C1orf87: variants seen among roughly 807,000 people sequenced by gnomAD.
The protein encoded by C1orf87 is chromosome 1 open reading frame 87, also known as uncharacterized protein C1orf87.
A neutral mutation model predicts 60.5 loss-of-function variants in C1orf87; 58 were observed. The observed-to-expected ratio is 0.96, with a 90% CI of 0.78 to 1.19. C1orf87 has a LOEUF of 1.19. Among genes scored for constraint, C1orf87 ranks in the 50% most tolerant of loss-of-function variants. The pLI is 0.00. For missense variants in C1orf87, 673 were observed against 638.6 expected, an observed-to-expected ratio of 1.05 and a Z score of -0.58; for synonymous variants, 236 against 227.4, an observed-to-expected ratio of 1.04 and a Z score of -0.34.
intron 6 of C1orf87, among the ~76,000 whole-genome samples, chr1:60,037,601 G>C (rs1188149442): frequency 1.3e-5 from 2 of 152,212 alleles, no homozygotes; most frequent in Admixed American, 6.5e-5. Context: ...ATGCGTTCAA[G>C]AAGGCAGAGC....
At chr1:60,057,588 T>C (rs1645466102) in intron 2 of C1orf87, among the ~76,000 whole-genome samples, 1 of 152,116 alleles carries the variant, frequency 6.6e-6, no homozygotes, top group Non-Finnish European at 1.5e-5. Context: ...ATGGAAGTCA[T>C]TGAGAGGACA....
rs1000280535 is a variant in C1orf87 at position 60,069,572 on chromosome 1, C to T, written c.107+2965G>A. 2.0e-5 allele frequency among the ~76,000 whole-genome samples: 3 copies of T among 152,114 alleles called. No homozygotes were observed. In the South Asian group the frequency reaches 6.2e-4, roughly 32 times the overall value. On this transcript the variant is annotated intron_variant, in intron 2 of 11. Coordinates refer to ENST00000371201, the MANE Select transcript of C1orf87 (RefSeq NM_152377.3). ...TGCTCTTTTGTGAAATATATGTATA[C>T]TAAATATAAGTATTTTTCTTTGATC...
At chr1:60,061,406 A>G (rs1024858487) in intron 2 of C1orf87, among the ~76,000 whole-genome samples, 24 of 152,064 alleles carry the variant, frequency 1.6e-4, no homozygotes, top group Non-Finnish European at 2.9e-5. Context: ...AATAACACAG[A>G]TACCTTTACA....
chr1:60,002,829 T>C (rs1645016919), intron 9 of C1orf87, among the ~76,000 whole-genome samples: 1 of 150,362 alleles, frequency 6.7e-6, no homozygotes, highest in African/African-American at 2.4e-5. Flanking sequence ...CAACAGGTGC[T>C]GGAGAGGATG....
chr1:60,035,459 C>G (rs1365173), intron 6 of C1orf87, among the ~76,000 whole-genome samples: 1,644 of 152,268 alleles, frequency 0.011, 20 homozygotes, highest in African/African-American at 0.038. Flanking sequence ...CTGCCACTGG[C>G]AATGCTGGAA....
At chr1:60,060,854 T>C (rs1426329949) in intron 2 of C1orf87, among the ~76,000 whole-genome samples, 1 of 152,210 alleles carries the variant, frequency 6.6e-6, no homozygotes, top group Non-Finnish European at 1.5e-5. Context: ...TTTACCAGTC[T>C]GGAGCCAATG....
chr1:60,046,424 T>A (rs2100305643), intron 3 of C1orf87, among the ~76,000 whole-genome samples: 1 of 129,712 alleles, frequency 7.7e-6, no homozygotes, highest in African/African-American at 2.8e-5. Context: ...CCTCCCTTCC[T>A]CCTTCCTTCC....
chr1:60,059,875 A>G (rs1318381894), intron 2 of C1orf87, among the ~76,000 whole-genome samples: 1 of 152,206 alleles, frequency 6.6e-6, no homozygotes, highest in Non-Finnish European at 1.5e-5. Context: ...TAATTTCAGT[A>G]AATGAAAGCA....
chr1:60,046,054 C>T (rs192038301), intron 3 of C1orf87, among the ~76,000 whole-genome samples: 1 of 152,080 alleles, frequency 6.6e-6, no homozygotes, highest in Non-Finnish European at 1.5e-5. Context: ...ATATCTCTTA[C>T]ACCTTTTAAA....
At chr1:59,999,640 C>A (rs1234724713) in intron 10 of C1orf87, among the ~76,000 whole-genome samples, 1 of 152,106 alleles carries the variant, frequency 6.6e-6, no homozygotes, top group African/African-American at 2.4e-5. Context: ...ACTAATACAT[C>A]CTTCACTGTT....
chr1:60,033,466 T>A lies in C1orf87; in HGVS notation c.1029+10A>T. ...ACAGAGGAACAAATCTGAAATTGAATTTTGGTTACCTTAGGTAGAGGGAGG... is the reference window on the plus strand; with the variant it reads ...ACAGAGGAACAAATCTGAAATTGAAATTTGGTTACCTTAGGTAGAGGGAGG... On this transcript the variant is annotated intron_variant, in intron 7 of 11. Coordinates refer to ENST00000371201, the MANE Select transcript of C1orf87 (RefSeq NM_152377.3). 1.9e-6 allele frequency: 3 copies of A among 1,611,166 alleles called. No individual in the cohort carries two copies. The highest frequency in any genetic ancestry group is 2.5e-6 in the Non-Finnish European group (3 of 1,178,440).
In C1orf87 at chr1:60,039,969, G is replaced by C. The variant is rs776709201; in HGVS notation, c.695C>G (p.Pro232Arg). The change falls in exon 5 of 12, where the codon CCA becomes CGA. Residue 232 changes from proline (P) to arginine (R), a missense_variant. By Grantham distance (103) the Pro-to-Arg change is moderately radical. Transcript: ENST00000371201. ...TCTCTGACAAAGGATTTTAACTGTTGGTAACTGTAGAGGGACTTCATGCTT... is the reference window on the plus strand; with the variant it reads ...TCTCTGACAAAGGATTTTAACTGTTCGTAACTGTAGAGGGACTTCATGCTT... ...FLKHEVPLQL[P>R]TVKILCQRFS... 13 of 1,613,916 alleles carry C rather than the reference G, an allele frequency of 8.1e-6. No individual in the cohort carries two copies. The highest frequency in any genetic ancestry group is 1.0e-5 in the Non-Finnish European group (12 of 1,179,936).
chr1:60,038,767 G>GA (rs1323166186), intron 5 of C1orf87, among the ~76,000 whole-genome samples: 1 of 152,196 alleles, frequency 6.6e-6, no homozygotes, highest in East Asian at 1.9e-4. Context: ...TAGGCCAAGT[G>GA]AAAAATCTGA....
intron 9 of C1orf87, among the ~76,000 whole-genome samples, chr1:60,001,383 T>C (rs1645003352): frequency 6.6e-6 from 1 of 152,028 alleles, no homozygotes; most frequent in Non-Finnish European, 1.5e-5. Context: ...GACTCTAAAT[T>C]TTTATTTAGT....
At chr1:60,009,320 T>C (rs1645066637) in intron 9 of C1orf87, among the ~76,000 whole-genome samples, 1 of 139,106 alleles carries the variant, frequency 7.2e-6, no homozygotes, top group South Asian at 2.7e-4. Context: ...TGCTAGAAGC[T>C]GAAACCGGCA....
At position 60,055,416 on chromosome 1, in the gene C1orf87, T is replaced by C; in HGVS notation, c.130A>G (p.Thr44Ala). ...PKIKENDSLKTETQTMHQKPM... is the reference protein window; with the variant it reads ...PKIKENDSLKAETQTMHQKPM... Reference sequence around the variant, plus strand: ...TTCTGGTGCATTGTTTGGGTTTCTGTTTTCAAGCTGTCATTCTCCTTGCTG... The same window carrying C: ...TTCTGGTGCATTGTTTGGGTTTCTGCTTTCAAGCTGTCATTCTCCTTGCTG... Residue 44 changes from threonine (T) to alanine (A), a missense_variant, in exon 3 of 12, where the codon ACA becomes GCA. Transcript: ENST00000371201. The C allele has an allele frequency of 6.2e-7, 1 of 1,614,164 alleles. No homozygotes were observed. The highest frequency in any genetic ancestry group is 8.5e-7 in the Non-Finnish European group (1 of 1,180,022).
At chr1:60,055,103 T>G in intron 3 of C1orf87, 101 bp downstream of exon 3, 1 of 1,053,054 alleles carries the variant, frequency 9.5e-7, no homozygotes, top group Non-Finnish European at 1.4e-6. Context: ...CAAAATATAT[T>G]AATGAACATT....
intron 4 of C1orf87, among the ~76,000 whole-genome samples, chr1:60,040,682 C>T (rs1412926503): frequency 6.6e-6 from 1 of 151,630 alleles, no homozygotes; most frequent in African/African-American, 2.4e-5. Context: ...GTGAACTCCT[C>T]AGGACACTTT....
At chr1:60,048,004 C>T (rs1181444715) in intron 3 of C1orf87, among the ~76,000 whole-genome samples, 1 of 151,978 alleles carries the variant, frequency 6.6e-6, no homozygotes, top group Non-Finnish European at 1.5e-5. Flanking sequence ...TCAAGGTGGC[C>T]CCAGTGATCC....
Sources: gnomAD v4.1 joint callset for allele counts (sites outside exome capture counted in the v4.1 genomes callset) on GRCh38, gnomAD v4.1.1 for gene constraint, MANE v1.5 for transcripts, NCBI Gene and HGNC (gene_info 2026-07-23, HGNC 2026-07-21) for gene names.